Variants in AUTS2 observed in about 807,000 individuals in gnomAD.
AUTS2 encodes activator of transcription and developmental regulator AUTS2.
AUTS2 carries 17 observed loss-of-function variants against 112.4 expected under a neutral mutation model. The observed-to-expected ratio is 0.15, with a 90% CI of 0.10 to 0.23. The LOEUF is 0.23. Among genes scored for constraint, AUTS2 ranks in the 10% least tolerant of loss-of-function variants. The pLI is 1.00. For synonymous variants in AUTS2, 751 were observed against 702.7 expected, an observed-to-expected ratio of 1.07 and a Z score of -1.09; for missense variants, 1,510 against 1,701.6, an observed-to-expected ratio of 0.89 and a Z score of 1.98.
At chr7:69,690,798 C>G (rs1304638872) in intron 1 of AUTS2, among the ~76,000 whole-genome samples, 1 of 152,312 alleles carries the variant, frequency 6.6e-6, no homozygotes, top group African/African-American at 2.4e-5. Flanking sequence ...TTGTGTTACA[C>G]CCCTTTCAGT....
chr7:70,559,312 G>A (rs1245228495), intron 5 of AUTS2, among the ~76,000 whole-genome samples: 3 of 151,562 alleles, frequency 2.0e-5, no homozygotes, highest in Non-Finnish European at 4.4e-5. Flanking sequence ...CATCTGATCT[G>A]ATGGCTTCTA....
At chr7:69,611,564 A>T (rs1264840373) in intron 1 of AUTS2, among the ~76,000 whole-genome samples, 2 of 152,260 alleles carry the variant, frequency 1.3e-5, no homozygotes, top group African/African-American at 2.4e-5. Flanking sequence ...AAGTAGTTTT[A>T]CATATATCTG....
chr7:70,731,781 C>T (rs34845788), intron 6 of AUTS2, among the ~76,000 whole-genome samples: 10,762 of 151,988 alleles, frequency 0.071, 478 homozygotes, highest in South Asian at 0.19. Flanking sequence ...TTTCTATTTC[C>T]GTTTCTTCCT....
intron 4 of AUTS2, among the ~76,000 whole-genome samples, chr7:70,326,917 C>CTTTTTTTT (rs552893729): frequency 4.1e-5 from 5 of 120,686 alleles, no homozygotes; most frequent in African/African-American, 3.2e-5. Context: ...ATGCTTGGTT[C>CTTTTTTTT]TTTTTTTTTT....
chr7:69,934,352 A>G (rs1482782392), intron 2 of AUTS2, among the ~76,000 whole-genome samples: 1 of 152,130 alleles, frequency 6.6e-6, no homozygotes, highest in Non-Finnish European at 1.5e-5. Context: ...GCAGTCACAG[A>G]CTCTGAACCC....
chr7:70,494,876 A>AT (rs940917582), intron 5 of AUTS2, among the ~76,000 whole-genome samples: 3 of 152,074 alleles, frequency 2.0e-5, no homozygotes, highest in South Asian at 2.1e-4. Context: ...CAGTGTTTTG[A>AT]TTTTTTTCCC....
At chr7:70,559,075 T>G (rs1295401480) in intron 5 of AUTS2, among the ~76,000 whole-genome samples, 1 of 152,136 alleles carries the variant, frequency 6.6e-6, no homozygotes, top group Non-Finnish European at 1.5e-5. Context: ...TGATAGTGAA[T>G]AAGTCTCACG....
At chr7:70,174,485 A>G (rs1468276144) in intron 4 of AUTS2, among the ~76,000 whole-genome samples, 1 of 152,234 alleles carries the variant, frequency 6.6e-6, no homozygotes, top group East Asian at 1.9e-4. Flanking sequence ...GTTGAATAAC[A>G]GAGTTTTACT....
At chr7:70,300,428 C>A (rs760776948) in intron 4 of AUTS2, among the ~76,000 whole-genome samples, 11 of 152,280 alleles carry the variant, frequency 7.2e-5, no homozygotes, top group Non-Finnish European at 1.0e-4. Flanking sequence ...CAACTCCCAT[C>A]CAGCAGGACA....
chr7:69,878,977 G>A (rs1256584640), intron 1 of AUTS2, among the ~76,000 whole-genome samples: 1 of 152,192 alleles, frequency 6.6e-6, no homozygotes, highest in African/African-American at 2.4e-5. Context: ...TAGGGTGGGA[G>A]AGCTGTTCAC....
intron 2 of AUTS2, among the ~76,000 whole-genome samples, chr7:70,006,265 A>G (rs938276794): frequency 6.6e-6 from 1 of 152,074 alleles, no homozygotes; most frequent in African/African-American, 2.4e-5. Flanking sequence ...ATGTGATGCT[A>G]TTTTCCTTCC....
intron 4 of AUTS2, among the ~76,000 whole-genome samples, chr7:70,415,362 CAG>C (rs1367805943): frequency 6.6e-6 from 1 of 152,166 alleles, no homozygotes; most frequent in Non-Finnish European, 1.5e-5. Context: ...CCTAACAGCA[CAG>C]TCTGAAGCAT....
Position 70,790,096 on chromosome 7 carries a change from G to T in AUTS2, c.2880G>T (p.Arg960=). 1.3e-6 allele frequency: 2 copies of T among 1,586,712 alleles called. No individual in the cohort carries two copies. Among genetic ancestry groups the T allele is most frequent in the South Asian group, 2.3e-5 (2 of 87,938 alleles). ...ESARPNSTSS[R]EAEPRKGEPA... The stretch of plus-strand genomic sequence containing the variant: ...CCAGGCCCAACAGCACCTCGAGCCG[G>T]GAGGCCGAGCCGCGCAAGGGTGAGC... The change falls in exon 19 of 19, where the codon CGG becomes CGT. Residue 960 remains arginine (R), a synonymous_variant. Coordinates refer to ENST00000342771, the MANE Select transcript of AUTS2 (RefSeq NM_015570.4). The surrounding 1 kb of genome is among the most constrained non-coding windows in gnomAD (Gnocchi z 7.6).
Position 70,533,905 on chromosome 7 carries a change from G to C in AUTS2, c.690+98124G>C, listed in dbSNP as rs184902645. ...GCACCATGCAGCAGTGGGCTTCCTT[G>C]GGTGCTGGAAGTACAGTCAGGGAAC... On this transcript the variant is annotated intron_variant, in intron 5 of 18. Coordinates refer to ENST00000342771, the MANE Select transcript of AUTS2 (RefSeq NM_015570.4). 2.7e-3 allele frequency among the ~76,000 whole-genome samples: 405 copies of C among 152,262 alleles called. 1 individual carries two copies. The highest frequency in any genetic ancestry group is 8.7e-3 in the African/African-American group (360 of 41,550).
intron 4 of AUTS2, among the ~76,000 whole-genome samples, chr7:70,346,537 G>C (rs1332042995): frequency 6.6e-6 from 1 of 152,080 alleles, no homozygotes; most frequent in African/African-American, 2.4e-5. Context: ...CACCTTCAGT[G>C]TAAATTTCTC....
At chr7:70,703,007 GA>G (rs1262807555) in intron 6 of AUTS2, among the ~76,000 whole-genome samples, 1 of 152,160 alleles carries the variant, frequency 6.6e-6, no homozygotes, top group East Asian at 1.9e-4. Context: ...AAAATTGCCT[GA>G]AATCTGAGGA....
chr7:70,146,788 T>G (rs999251182), intron 4 of AUTS2, among the ~76,000 whole-genome samples: 1 of 152,180 alleles, frequency 6.6e-6, no homozygotes, highest in African/African-American at 2.4e-5. Flanking sequence ...TTTCAAATCA[T>G]GAAAACTGAA....
intron 5 of AUTS2, among the ~76,000 whole-genome samples, chr7:70,651,987 T>C (rs11773370): frequency 0.72 from 108,912 of 152,032 alleles, 39,202 homozygotes; most frequent in South Asian, 0.85. Context: ...CTGTAAGCAG[T>C]GAAGACATCA....
At chr7:70,194,106 T>C (rs28464032) in intron 4 of AUTS2, among the ~76,000 whole-genome samples, 12,226 of 152,256 alleles carry the variant, frequency 0.08, 632 homozygotes, top group African/African-American at 0.13. Flanking sequence ...ACTGGGCAAA[T>C]GTAAGCATAA....
Sources: gnomAD v4.1 joint callset for allele counts (sites outside exome capture counted in the v4.1 genomes callset) on GRCh38, gnomAD v4.1.1 for gene constraint, Gnocchi (gnomAD v3.1) non-coding constraint, MANE v1.5 for transcripts, NCBI Gene and HGNC (gene_info 2026-07-23, HGNC 2026-07-21) for gene names.